The following PTPRN variants were observed in gnomAD, a reference collection of about 807,000 sequenced individuals.
The protein encoded by PTPRN is receptor-type tyrosine-protein phosphatase-like N.
A neutral mutation model predicts 108.5 loss-of-function variants in PTPRN; 70 were observed. That is an observed-to-expected ratio of 0.65 (90% CI 0.53 to 0.79). The LOEUF is 0.79. PTPRN is among the 30% of genes least tolerant of loss of function. PTPRN has a pLI of 0.00. For missense variants in PTPRN, 1,136 were observed against 1,295.5 expected (o/e 0.88, Z 1.89); for synonymous variants, 496 against 524.6 (o/e 0.95, Z 0.75).
At chr2:219,295,969 AGACAG>A in intron 18 of PTPRN, 1 of 436,442 alleles carries the variant, frequency 2.3e-6, no homozygotes. Flanking sequence ...TTTTGACTCT[AGACAG>A]GACACACACA....
rs760727405 is a variant in PTPRN at position 219,299,384 on chromosome 2, A to G, written c.1524T>C (p.Ser508=). Residue 508 remains serine, a splice_region_variant and synonymous_variant, in exon 11 of 23, where the codon AGT becomes AGC. Transcript: ENST00000295718. ...GGAAGGTGAGGGCTGGTCCCACCACACTGCCAGATAGGAGCTATGTTACTG... is the reference window on the plus strand; with the variant it reads ...GGAAGGTGAGGGCTGGTCCCACCACGCTGCCAGATAGGAGCTATGTTACTG... The part of the protein sequence containing the change: ...HMSSGSFINI[S]VVGPALTFRI... The G allele has an allele frequency of 8.7e-6, 14 of 1,613,996 alleles. 1 individual carries two copies. In the South Asian group the frequency reaches 1.2e-4, roughly 14 times the overall value.
In PTPRN at chr2:219,299,787, C is replaced by A. The variant is rs1298813188; in HGVS notation, c.1437-1G>T. The A allele has an allele frequency of 6.2e-7, 1 of 1,605,682 alleles. No individual in the cohort carries two copies. Among genetic ancestry groups the A allele is most frequent in the Non-Finnish European group, 8.5e-7 (1 of 1,174,688 alleles). ...CACTCCTGCAGCCAGGCTCAGGGGC[C>A]TGGAGATGGGAGAAGGCAGAGGAAG... is the stretch of plus-strand genomic sequence containing the variant. On this transcript the variant is annotated splice_acceptor_variant, in intron 9 of 22. Transcript: ENST00000295718. LOFTEE classifies it high-confidence loss of function.
intron 19 of PTPRN, chr2:219,294,200 G>A (rs1952117162): frequency 2.1e-6 from 1 of 482,526 alleles, no homozygotes; most frequent in Non-Finnish European, 4.3e-6. Flanking sequence ...GCAGCTGTGA[G>A]GGAGAGAGAG....
In PTPRN at chr2:219,294,913, G is replaced by A. The variant is rs1050908434; in HGVS notation, c.2675+62C>T. The A allele has an allele frequency of 3.6e-6, 5 of 1,370,642 alleles. No individual in the cohort carries two copies. In the African/African-American group the frequency reaches 4.6e-5, roughly 13 times the overall value. The allele number at this position is 1,370,642 out of a possible 1,614,324, so 84.9% of individuals were successfully genotyped here. A position where few individuals can be genotyped will look rare whatever the true frequency, so the allele number is the denominator to read the frequency against. ...GACCCGGGGCTCCAGGCCGAGCGGC[G>A]GGCGGACCCCGGCTCCGCCCCCGCC... On this transcript the variant is annotated intron_variant, in intron 19 of 22. Transcript: ENST00000295718.
chr2:219,302,923 G>T, intron 4 of PTPRN, 86 bp from the exon 5 acceptor site: 2 of 1,504,286 alleles, frequency 1.3e-6, no homozygotes, highest in Admixed American at 2.2e-5. Context: ...GGCCAGGCAG[G>T]CTCAGCGGTT....
chr2:219,300,804 G>A (rs771088570), intron 8 of PTPRN, 139 bp downstream of exon 8: 2 of 871,718 alleles, frequency 2.3e-6, no homozygotes, highest in Non-Finnish European at 3.7e-6. Context: ...GCAATAACTT[G>A]CGGTCTCTGG....
chr2:219,295,975 GACACACACACAC>G (rs58673887), intron 18 of PTPRN: 19 of 423,338 alleles, frequency 4.5e-5, no homozygotes, highest in South Asian at 3.3e-4. Flanking sequence ...CTCTAGACAG[GACACACACACAC>G]ACACACACAC....
chr2:219,296,637 GC>G lies in PTPRN; in HGVS notation c.2310+111del, dbSNP rs535990394. 3.3e-4 allele frequency: 518 copies of G among 1,549,964 alleles called. 1 individual carries two copies. In the African/African-American group the frequency reaches 6.3e-3, roughly 19 times the overall value. On this transcript the variant is annotated intron_variant, in intron 16 of 22. Transcript: ENST00000295718. The surrounding 1 kb of genome is among the most constrained non-coding windows in gnomAD (Gnocchi z 6.0). ...CAGTTCCCCCTTGCTAGGATATCAGGCCCCACCACTCCAGGGGGTTGGTGGG... is the reference window on the plus strand; with the variant it reads ...CAGTTCCCCCTTGCTAGGATATCAGGCCCACCACTCCAGGGGGTTGGTGGG...
chr2:219,303,475 T>C (rs780686091), intron 4 of PTPRN, among the ~76,000 whole-genome samples: 1 of 152,232 alleles, frequency 6.6e-6, no homozygotes, highest in Non-Finnish European at 1.5e-5. Context: ...GATGACTACA[T>C]TGATGCTTCT....
chr2:219,308,398 G>C (rs1254272908), intron 1 of PTPRN: 11 of 173,344 alleles, frequency 6.3e-5, no homozygotes, highest in Non-Finnish European at 1.4e-4. Context: ...AGAGGAAGGG[G>C]TCACAGAGCG....
At position 219,307,484 on chromosome 2, in the gene PTPRN, G is replaced by A. The variant is rs1283369404; in HGVS notation, c.240C>T (p.Leu80=). Reference sequence around the variant, plus strand: ...GTCGGAGCACACCTTGTAAGCGTTGGAGAACTGGGGAGGTGACTTGCAAAA... The same window carrying A: ...GTCGGAGCACACCTTGTAAGCGTTGAAGAACTGGGGAGGTGACTTGCAAAA... ...RPLLQVTSPV[L]QRLQGVLRQL... Residue 80 remains leucine (L), a synonymous_variant, in exon 3 of 23, where the codon CTC becomes CTT. Transcript: ENST00000295718. 1.2e-6 allele frequency: 2 copies of A among 1,614,058 alleles called. No homozygotes were observed. The highest frequency in any genetic ancestry group is 2.7e-5 in the African/African-American group (2 of 74,922).
At chr2:219,294,300 ACT>A in intron 19 of PTPRN, 1 of 398,098 alleles carries the variant, frequency 2.5e-6, no homozygotes, top group Non-Finnish European at 5.2e-6. Flanking sequence ...GCAGAGAGAA[ACT>A]GGCAGACAGG....
At position 219,289,635 on chromosome 2, in the gene PTPRN, A is replaced by G. The variant is rs1266994615; in HGVS notation, c.*591T>C. On this transcript the variant is annotated 3_prime_UTR_variant, in exon 23 of 23. Transcript: ENST00000295718. The stretch of plus-strand genomic sequence containing the variant: ...GTAGGAGTCTGGGTTGCAGCTGCAC[A>G]GACAACACACTAACTTTATTCACAC... The G allele has an allele frequency of 6.4e-6, 1 of 155,454 alleles. No homozygotes were observed. The highest frequency in any genetic ancestry group is 1.4e-5 in the Non-Finnish European group (1 of 69,848). 9.6% of individuals were successfully genotyped at this position (155,454 alleles called of 1,614,324 possible).
rs1247432666 is a variant in PTPRN at position 219,299,763 on chromosome 2, A to T, written c.1460T>A (p.Val487Glu). 6.2e-7 allele frequency: 1 copy of T among 1,609,840 alleles called. No homozygotes were observed. The highest frequency in any genetic ancestry group is 1.3e-5 in the African/African-American group (1 of 74,826). ...CTCAGCCAGGATCTCCAGCAGCTTC[A>T]CTCCTGCAGCCAGGCTCAGGGGCCT... ...DQKPLSLAAG[V>E]KLLEILAEHV... Residue 487 changes from valine (V) to glutamate (E), a missense_variant, in exon 10 of 23, where the codon GTG becomes GAG. Physicochemically the swap from Val to Glu is moderately radical, Grantham distance 121 (BLOSUM62 -2). Coordinates refer to ENST00000295718, the MANE Select transcript of PTPRN (RefSeq NM_002846.4).
rs1487334548 is a variant in PTPRN, at chr2:219,296,491, G to A, written c.2336C>T (p.Ala779Val). The change falls in exon 17 of 23, where the codon GCC becomes GTC. Residue 779 changes from alanine (A) to valine (V), a missense_variant. Transcript: ENST00000295718. The surrounding 1 kb of genome is among the most constrained non-coding windows in gnomAD (Gnocchi z 6.0). ...PIIEHDPRMP[A>V]YIATQGPLSH... ...CAGCGGGCCCTGCGTGGCTATGTAG[G>A]CTGGCATCCGAGGGTCATGCTCAAT... 6.2e-6 allele frequency: 10 copies of A among 1,614,032 alleles called. No homozygotes were observed. Among genetic ancestry groups the A allele is most frequent in the Non-Finnish European group, 7.6e-6 (9 of 1,180,036 alleles).
chr2:219,301,418 C>T (rs544918348), intron 7 of PTPRN, among the ~76,000 whole-genome samples, 170 bp downstream of exon 7: 1 of 152,220 alleles, frequency 6.6e-6, no homozygotes, highest in Non-Finnish European at 1.5e-5. Context: ...AGCTTGCCAC[C>T]CTACCCCCTT....
At position 219,296,215 on chromosome 2, in the gene PTPRN, G is replaced by A; in HGVS notation, c.2508+11C>T. ...ACATCCATTGTCCCCTTGCTGTGGG[G>A]CCCTGCTGACCTCATATACGTGGTA... is the stretch of plus-strand genomic sequence containing the variant. On this transcript the variant is annotated intron_variant, in intron 18 of 22. Transcript: ENST00000295718. The surrounding 1 kb of genome is among the most constrained non-coding windows in gnomAD (Gnocchi z 6.0). 6.2e-7 allele frequency: 1 copy of A among 1,613,976 alleles called. No homozygotes were observed. The highest frequency in any genetic ancestry group is 2.2e-5 in the East Asian group (1 of 44,878).
chr2:219,307,220 G>C lies in PTPRN; in HGVS notation c.280+224C>G, dbSNP rs1952505399. 1.1e-5 allele frequency: 5 copies of C among 470,050 alleles called. No individual in the cohort carries two copies. In the East Asian group the frequency reaches 1.7e-4, roughly 16 times the overall value. 29.1% of individuals were successfully genotyped at this position (470,050 alleles called of 1,614,324 possible). On this transcript the variant is annotated intron_variant, in intron 3 of 22. Transcript: ENST00000295718. ...AACTGGTCCTAAGAAGATGGAAGCT[G>C]GCCTTTTCCAGTGACTTCTTCTTAG...
intron 3 of PTPRN, 153 bp downstream of exon 3, chr2:219,307,291 A>C: frequency 1.6e-6 from 1 of 637,326 alleles, no homozygotes; most frequent in Non-Finnish European, 2.7e-6. Context: ...TGAATAGCCC[A>C]TCTCTAGGGT....
Sources: allele counts gnomAD v4.1 joint callset (sites outside exome capture counted in the v4.1 genomes callset), GRCh38; gene constraint gnomAD v4.1.1; non-coding constraint Gnocchi (gnomAD v3.1); transcripts MANE v1.5; gene names NCBI Gene and HGNC (gene_info 2026-07-23, HGNC 2026-07-21).